The following ARFGEF1 variants were observed in gnomAD, a reference collection of about 807,000 sequenced individuals.
ARFGEF1 encodes brefeldin A-inhibited guanine nucleotide-exchange protein 1.
A neutral mutation model predicts 231.0 loss-of-function variants in ARFGEF1; 42 were observed. The observed-to-expected ratio is 0.18, with a 90% CI of 0.14 to 0.24. The LOEUF (loss-of-function observed/expected upper bound fraction) is 0.24, where lower values mean the gene tolerates loss of function less well. Among genes scored for constraint, ARFGEF1 ranks in the 10% least tolerant of loss-of-function variants. The pLI, the probability that ARFGEF1 is intolerant of heterozygous loss-of-function variation, is 1.00. For synonymous variants in ARFGEF1, 710 were observed against 732.3 expected, an observed-to-expected ratio of 0.97 and a Z score of 0.49; for missense variants, 1,345 against 2,192.0, an observed-to-expected ratio of 0.61 and a Z score of 7.72.
intron 13 of ARFGEF1, among the ~76,000 whole-genome samples, 153 bp from the exon 14 acceptor site, chr8:67,266,360 T>C (rs962871748): frequency 2.0e-5 from 3 of 152,184 alleles, no homozygotes; most frequent in Non-Finnish European, 4.4e-5. Flanking sequence ...GTAAACAACA[T>C]ACTTTGATAT....
At chr8:67,176,261 G>A (rs929795488) in intron 5 of ARFGEF1, among the ~76,000 whole-genome samples, 6 of 152,130 alleles carry the variant, frequency 3.9e-5, no homozygotes, top group Non-Finnish European at 5.9e-5. Flanking sequence ...CAGATAACAA[G>A]AGTGGAAGGG....
intron 1 of ARFGEF1, among the ~76,000 whole-genome samples, chr8:67,339,805 G>GGGGGGGGGGGGC (rs79194289): frequency 1.1e-5 from 1 of 92,686 alleles, no homozygotes; most frequent in African/African-American, 4.0e-5. Flanking sequence ...CGGGGGGGGG[G>GGGGGGGGGGGGC]ATTCTTTCTT....
Position 67,251,276 on chromosome 8 carries a change from A to C in ARFGEF1, c.2850+23T>G, listed in dbSNP as rs1204469132. The C allele has an allele frequency of 4.5e-6, 7 of 1,572,398 alleles. 1 individual carries two copies. In the South Asian group the frequency reaches 8.4e-5, roughly 19 times the overall value. ...TTATATATAAATGTACACTGCAATC[A>C]AACATTACTTGAAAATTCTAACCTT... On this transcript the variant is annotated intron_variant, in intron 19 of 38. Coordinates refer to ENST00000262215, the MANE Select transcript of ARFGEF1 (RefSeq NM_006421.5).
intron 29 of ARFGEF1, among the ~76,000 whole-genome samples, chr8:67,222,202 T>TACAC (rs1296784585): frequency 4.5e-5 from 6 of 134,330 alleles, no homozygotes; most frequent in Non-Finnish European, 9.2e-5. Flanking sequence ...TATATATATA[T>TACAC]ATACACACAC....
intron 5 of ARFGEF1, among the ~76,000 whole-genome samples, chr8:67,295,578 T>C (rs1049925317): frequency 1.3e-5 from 2 of 152,078 alleles, no homozygotes; most frequent in African/African-American, 4.8e-5. Flanking sequence ...CTTTTAAAAA[T>C]AGCAAGATCA....
At chr8:67,259,959 G>A in intron 14 of ARFGEF1, 33 bp from the exon 15 acceptor site, 2 of 1,452,568 alleles carry the variant, frequency 1.4e-6, no homozygotes, top group Non-Finnish European at 1.9e-6. Context: ...ATTAAAAATA[G>A]AAAACCATTC....
chr8:67,204,573 T>G, intron 35 of ARFGEF1, 107 bp downstream of exon 35: 2 of 1,304,596 alleles, frequency 1.5e-6, no homozygotes, highest in Non-Finnish European at 2.1e-6. Context: ...GACATCTGTA[T>G]GATGAAGGCC....
intron 29 of ARFGEF1, among the ~76,000 whole-genome samples, chr8:67,222,258 T>TGTAC (rs1563846655): frequency 2.1e-5 from 3 of 142,768 alleles, no homozygotes; most frequent in Non-Finnish European, 3.0e-5. Flanking sequence ...TATGTATGTA[T>TGTAC]GTATGTATGT....
intron 18 of ARFGEF1, among the ~76,000 whole-genome samples, chr8:67,252,508 T>C (rs1358468810): frequency 6.6e-6 from 1 of 152,048 alleles, no homozygotes; most frequent in Non-Finnish European, 1.5e-5. Flanking sequence ...TGATACAATA[T>C]ATAATATTCT....
intron 5 of ARFGEF1, among the ~76,000 whole-genome samples, chr8:67,183,843 ATTTTTTTTT>A (rs918103972): frequency 1.4e-4 from 15 of 108,214 alleles, no homozygotes; most frequent in African/African-American, 2.0e-4. Context: ...AAAATTGGGA[ATTTTTTTTT>A]TTTTTTTTTT....
intron 6 of ARFGEF1, among the ~76,000 whole-genome samples, chr8:67,289,058 C>T (rs111853854): frequency 0.023 from 3,512 of 152,210 alleles, 89 homozygotes; most frequent in South Asian, 0.048. Context: ...ATAGCTTGCA[C>T]AGTCTATTGC....
chr8:67,194,595 AC>A (rs1439263518), downstream of ARFGEF1, among the ~76,000 whole-genome samples: 3 of 152,130 alleles, frequency 2.0e-5, no homozygotes, highest in Non-Finnish European at 4.4e-5. Flanking sequence ...TTTAATGTCT[AC>A]ACTGTTTTTT....
At chr8:67,231,236 C>T (rs1337908170) in intron 23 of ARFGEF1, among the ~76,000 whole-genome samples, 3 of 152,036 alleles carry the variant, frequency 2.0e-5, no homozygotes, top group Non-Finnish European at 4.4e-5. Flanking sequence ...TGAAATGTAC[C>T]ACTTAAGAAT....
At chr8:67,174,888 A>G (rs1831244343), downstream of ARFGEF1, 1 of 159,124 alleles carries the variant, frequency 6.3e-6, no homozygotes, top group Admixed American at 6.1e-5. Context: ...TTATTTTTTC[A>G]CGTTTCCAGT....
chr8:67,311,620 T>TCAGCCCCCC (rs1351116479), intron 1 of ARFGEF1, among the ~76,000 whole-genome samples: 2 of 122,930 alleles, frequency 1.6e-5, no homozygotes, highest in East Asian at 4.8e-4. Flanking sequence ...GGTGGGGGGG[T>TCAGCCCCCC]CAGCCCCCCC....
chr8:67,277,217 G>A, intron 8 of ARFGEF1, 65 bp downstream of exon 8: 1 of 1,494,056 alleles, frequency 6.7e-7, no homozygotes, highest in Non-Finnish European at 9.2e-7. Flanking sequence ...ATGACAAGGT[G>A]GTGGTAGCCT....
intron 22 of ARFGEF1, among the ~76,000 whole-genome samples, chr8:67,233,149 T>A (rs1839607882): frequency 6.6e-6 from 1 of 152,030 alleles, no homozygotes. Context: ...CACATGGTTA[T>A]AAGTCACAAA....
At chr8:67,226,323 G>A in intron 27 of ARFGEF1, 140 bp from the exon 28 acceptor site, 1 of 781,428 alleles carries the variant, frequency 1.3e-6, no homozygotes, top group Non-Finnish European at 1.9e-6. Context: ...CGAAGTTCAA[G>A]ACTATCTTTA....
At position 67,283,112 on chromosome 8, in the gene ARFGEF1, C is replaced by T. The variant is rs150505047; in HGVS notation, c.1027+4843G>A. ...ATGTTTGACCTATAAAAATAATTGC[C>T]TATATTTTGACCCTGGAAATAGCCA... On this transcript the variant is annotated intron_variant, in intron 7 of 38. Coordinates refer to ENST00000262215, the MANE Select transcript of ARFGEF1 (RefSeq NM_006421.5). Among the ~76,000 whole-genome samples, 594 of 152,158 alleles carry T rather than the reference C, an allele frequency of 3.9e-3. 5 individuals are homozygous for T. The highest frequency in any genetic ancestry group is 0.014 in the African/African-American group (566 of 41,526).
Sources: allele counts gnomAD v4.1 joint callset (sites outside exome capture counted in the v4.1 genomes callset), GRCh38; gene constraint gnomAD v4.1.1; transcripts MANE v1.5; gene names NCBI Gene and HGNC (gene_info 2026-07-23, HGNC 2026-07-21).